TAOK1: variants seen among roughly 807,000 people sequenced by gnomAD.
TAOK1 encodes TAO kinase 1.
TAOK1 carries 21 observed loss-of-function variants against 138.3 expected under a neutral mutation model. That is an observed-to-expected ratio of 0.15 (90% CI 0.11 to 0.22). The LOEUF (loss-of-function observed/expected upper bound fraction) is 0.22, where lower values mean the gene tolerates loss of function less well. Among genes scored for constraint, TAOK1 ranks in the 10% least tolerant of loss-of-function variants. The pLI is 1.00. For missense variants in TAOK1, 651 were observed against 1,227.7 expected (o/e 0.53, Z 7.02); for synonymous variants, 361 against 398.4 (o/e 0.91, Z 1.12).
chr17:29,398,099 G>T (rs1251144299), intron 1 of TAOK1, among the ~76,000 whole-genome samples: 1 of 152,032 alleles, frequency 6.6e-6, no homozygotes, highest in East Asian at 1.9e-4. Context: ...ACTCATGGGG[G>T]CTCAGGCAGT....
At chr17:29,529,045 CA>C (rs2032061004) in intron 17 of TAOK1, among the ~76,000 whole-genome samples, 1 of 148,228 alleles carries the variant, frequency 6.7e-6, no homozygotes, top group African/African-American at 2.5e-5. Flanking sequence ...AATCATGGTT[CA>C]CCGCAGCCTT....
intron 8 of TAOK1, among the ~76,000 whole-genome samples, chr17:29,486,565 G>A (rs1006127436): frequency 2.7e-4 from 41 of 151,892 alleles, no homozygotes; most frequent in African/African-American, 4.1e-4. Flanking sequence ...CCGGGGAGGC[G>A]GAGGCTGCAG....
At chr17:29,439,142 ATTC>A (rs1390582697) in intron 1 of TAOK1, among the ~76,000 whole-genome samples, 1 of 151,626 alleles carries the variant, frequency 6.6e-6, no homozygotes, top group Non-Finnish European at 1.5e-5. Context: ...GCGATATAGT[ATTC>A]TTATCAAATA....
intron 1 of TAOK1, among the ~76,000 whole-genome samples, chr17:29,440,741 A>G (rs1004644277): frequency 1.3e-5 from 2 of 151,896 alleles, no homozygotes; most frequent in Non-Finnish European, 2.9e-5. Flanking sequence ...TCACCCTGCT[A>G]ATTTTTGAAT....
chr17:29,531,092 G>T (rs2032096525), intron 18 of TAOK1, among the ~76,000 whole-genome samples: 1 of 148,072 alleles, frequency 6.8e-6, no homozygotes, highest in South Asian at 2.1e-4. Context: ...CTCCCAAGTA[G>T]CTGGGACTAC....
At chr17:29,530,101 T>C (rs2032077918) in intron 17 of TAOK1, among the ~76,000 whole-genome samples, 1 of 152,224 alleles carries the variant, frequency 6.6e-6, no homozygotes, top group African/African-American at 2.4e-5. Flanking sequence ...AAGCTAATTT[T>C]AATATCTACT....
At chr17:29,391,465 T>A (rs1239433207) in intron 1 of TAOK1, among the ~76,000 whole-genome samples, 1 of 152,072 alleles carries the variant, frequency 6.6e-6, no homozygotes, top group East Asian at 1.9e-4. Flanking sequence ...ATACCCCTCT[T>A]CTGTAGGGGC....
intron 3 of TAOK1, 103 bp from the exon 4 acceptor site, chr17:29,475,567 A>G: frequency 3.9e-6 from 3 of 766,404 alleles, no homozygotes; most frequent in South Asian, 3.8e-5. Flanking sequence ...GCAAAGTTGC[A>G]TGTTCTTGTT....
At chr17:29,433,113 A>G (rs1041616674) in intron 1 of TAOK1, among the ~76,000 whole-genome samples, 1 of 152,098 alleles carries the variant, frequency 6.6e-6, no homozygotes, top group Admixed American at 6.6e-5. Flanking sequence ...GAATGTAAGT[A>G]GAGTTTGAGT....
intron 3 of TAOK1, among the ~76,000 whole-genome samples, chr17:29,472,070 C>T (rs1181179852): frequency 6.6e-6 from 1 of 152,108 alleles, no homozygotes; most frequent in East Asian, 1.9e-4. Flanking sequence ...TTGAACCCCC[C>T]AAAGTCATCC....
intron 2 of TAOK1, among the ~76,000 whole-genome samples, chr17:29,457,518 A>T (rs1484258843): frequency 7.2e-6 from 1 of 138,410 alleles, no homozygotes; most frequent in Non-Finnish European, 1.5e-5. Flanking sequence ...TGATTCTCCC[A>T]CCTCAGCCTC....
chr17:29,407,458 T>C (rs180915957), intron 1 of TAOK1, among the ~76,000 whole-genome samples: 13 of 152,184 alleles, frequency 8.5e-5, no homozygotes, highest in Non-Finnish European at 1.6e-4. Context: ...ATTTTTATAT[T>C]TTTTTGAGAC....
chr17:29,472,616 C>G (rs2030849213), intron 3 of TAOK1, among the ~76,000 whole-genome samples: 1 of 147,642 alleles, frequency 6.8e-6, no homozygotes, highest in African/African-American at 2.5e-5. Context: ...TCTTGTTGCC[C>G]AGGCTGGGGT....
intron 1 of TAOK1, among the ~76,000 whole-genome samples, chr17:29,418,338 C>T (rs1024398347): frequency 8.5e-5 from 13 of 152,132 alleles, no homozygotes; most frequent in South Asian, 4.1e-4. Flanking sequence ...CACATGCCAC[C>T]GTGCCTGGCT....
intron 1 of TAOK1, among the ~76,000 whole-genome samples, chr17:29,410,619 G>GTTTTTTTTTTTTTTTTGT (rs61646352): frequency 7.9e-6 from 1 of 125,986 alleles, no homozygotes; most frequent in South Asian, 2.4e-4. Flanking sequence ...AGGGTTTTTT[G>GTTTTTTTTTTTTTTTTGT]TTTTTTTTTT....
intron 1 of TAOK1, among the ~76,000 whole-genome samples, chr17:29,417,057 A>G (rs1346597292): frequency 2.0e-5 from 3 of 152,050 alleles, no homozygotes; most frequent in Admixed American, 6.6e-5. Flanking sequence ...TCTGTCGTCC[A>G]GGCGGGAGTG....
At chr17:29,449,680 A>C (rs1414619135) in intron 1 of TAOK1, among the ~76,000 whole-genome samples, 1 of 151,938 alleles carries the variant, frequency 6.6e-6, no homozygotes, top group Non-Finnish European at 1.5e-5. Flanking sequence ...ATCTCTACTA[A>C]AAATACAAAA....
At chr17:29,541,500 C>T (rs2032316252) in intron 19 of TAOK1, among the ~76,000 whole-genome samples, 1 of 151,700 alleles carries the variant, frequency 6.6e-6, no homozygotes, top group Admixed American at 6.6e-5. Context: ...TCTAAATTTC[C>T]CCTATTATCT....
chr17:29,430,455 C>T (rs566408262), intron 1 of TAOK1, among the ~76,000 whole-genome samples: 5 of 152,206 alleles, frequency 3.3e-5, no homozygotes, highest in African/African-American at 1.2e-4. Context: ...TTTGTAACTT[C>T]GCATCTGCAA....
Sources: gnomAD v4.1 joint callset for allele counts (sites outside exome capture counted in the v4.1 genomes callset) on GRCh38, gnomAD v4.1.1 for gene constraint, MANE v1.5 for transcripts, NCBI Gene and HGNC (gene_info 2026-07-23, HGNC 2026-07-21) for gene names.